NRXN1: variants seen among roughly 807,000 people sequenced by gnomAD.
NRXN1 encodes the protein neurexin 1.
In NRXN1, 39 loss-of-function variants were observed where a neutral mutation model predicts 150.9. The ratio of observed to expected loss-of-function variants is 0.26; its 90% confidence interval spans 0.20 to 0.34. The LOEUF is 0.34. NRXN1 is among the 10% of genes least tolerant of loss of function. The pLI is 1.00. For missense variants in NRXN1, 1,815 were observed against 1,949.9 expected, an observed-to-expected ratio of 0.93 and a Z score of 1.30; for synonymous variants, 924 against 757.0, an observed-to-expected ratio of 1.22 and a Z score of -3.62.
intron 21 of NRXN1, chr2:50,022,847 G>A (rs1011436971): frequency 1.3e-5 from 2 of 152,116 alleles, no homozygotes; most frequent in African/African-American, 4.8e-5. Flanking sequence ...TCATTCAGTG[G>A]CCTGTAAATT....
intron 17 of NRXN1, among the ~76,000 whole-genome samples, chr2:50,296,869 GTTTC>G (rs1400455526): frequency 4.3e-5 from 6 of 139,992 alleles, no homozygotes; most frequent in Middle Eastern, 3.8e-3. Flanking sequence ...AAAAGACACA[GTTTC>G]TTTCTTTCTT....
chr2:50,488,053 G>A (rs1441899537), intron 15 of NRXN1, among the ~76,000 whole-genome samples: 2 of 152,170 alleles, frequency 1.3e-5, no homozygotes, highest in Non-Finnish European at 2.9e-5. Context: ...GTATCACCTA[G>A]CACCTAGTAT....
intron 8 of NRXN1, chr2:50,619,235 T>G (rs1402721211): frequency 6.6e-6 from 1 of 152,212 alleles, no homozygotes; most frequent in Non-Finnish European, 1.5e-5. Context: ...ATTGTAGGCA[T>G]ACAATGTAAG....
intron 18 of NRXN1, among the ~76,000 whole-genome samples, chr2:50,217,521 T>C (rs570771610): frequency 6.6e-6 from 1 of 152,184 alleles, no homozygotes; most frequent in East Asian, 1.9e-4. Flanking sequence ...TCTCTAGGTA[T>C]GTAGTTTTTT....
At chr2:50,153,669 C>G (rs567708589) in intron 18 of NRXN1, among the ~76,000 whole-genome samples, 2 of 151,558 alleles carry the variant, frequency 1.3e-5, no homozygotes, top group East Asian at 1.9e-4. Context: ...TTTTGAATGT[C>G]TAAATCTTTA....
chr2:50,112,588 T>C, intron 18 of NRXN1, among the ~76,000 whole-genome samples: 1 of 152,176 alleles, frequency 6.6e-6, no homozygotes, highest in East Asian at 1.9e-4. Context: ...ATATTTTGAG[T>C]TGTGAACTTT....
At chr2:50,181,112 ATT>A (rs2152810846) in intron 18 of NRXN1, among the ~76,000 whole-genome samples, 1 of 152,240 alleles carries the variant, frequency 6.6e-6, no homozygotes, top group East Asian at 1.9e-4. Flanking sequence ...ACAATAACGT[ATT>A]AGAGCTCAGT....
chr2:50,748,510 A>C (rs1436862124), intron 5 of NRXN1, among the ~76,000 whole-genome samples: 1 of 152,116 alleles, frequency 6.6e-6, no homozygotes, highest in Non-Finnish European at 1.5e-5. Context: ...CTATTAATTA[A>C]TCCCCATAAG....
rs917243599 is a variant in NRXN1, at chr2:50,098,859, T to G, written c.3547-7365A>C. Among the ~76,000 whole-genome samples the G allele has an allele frequency of 4.7e-3, 139 of 29,350 alleles. 7 individuals are homozygous for G. The highest frequency in any genetic ancestry group is 0.018 in the African/African-American group (129 of 7,098). 19.3% of individuals were successfully genotyped at this position (29,350 alleles called of 152,430 possible). On this transcript the variant is annotated intron_variant, in intron 18 of 22. Coordinates refer to ENST00000401669, the MANE Select transcript of NRXN1 (RefSeq NM_001330078.2). ...TTTTTTTTTTTTTTTTTTTTTTTTT[T>G]TTTTTTTTTTTTTTTTTTTTTTTGG...
intron 21 of NRXN1, among the ~76,000 whole-genome samples, chr2:49,945,637 G>A (rs1178877848): frequency 6.6e-6 from 1 of 152,024 alleles, no homozygotes; most frequent in East Asian, 1.9e-4. Flanking sequence ...AATATGCAGT[G>A]TTTGATTTTC....
intron 5 of NRXN1, among the ~76,000 whole-genome samples, chr2:50,770,548 G>C (rs1237844631): frequency 6.6e-6 from 1 of 151,998 alleles, no homozygotes; most frequent in East Asian, 1.9e-4. Flanking sequence ...TTAGGTCTAT[G>C]ATTAATTTTT....
Position 50,465,557 on chromosome 2 carries a change from G to T in NRXN1, c.3249C>A (p.Pro1083=). 2 of 1,606,518 alleles carry T rather than the reference G, an allele frequency of 1.2e-6. No homozygotes were observed. The highest frequency in any genetic ancestry group is 1.7e-6 in the Non-Finnish European group (2 of 1,175,952). Residue 1083 remains proline (P), a synonymous_variant, in exon 17 of 23, where the codon CCC becomes CCA. Transcript: ENST00000401669. ...ATGAGTCCTCTTGGCAGGTTGTGCTGGGCCCTGCAAAACAATCCAAAGGAA... is the reference window on the plus strand; with the variant it reads ...ATGAGTCCTCTTGGCAGGTTGTGCTTGGCCCTGCAAAACAATCCAAAGGAA... ...NGQIERGCEG[P]STTCQEDSCS...
intron 17 of NRXN1, among the ~76,000 whole-genome samples, chr2:50,344,721 G>C (rs939307139): frequency 6.6e-6 from 1 of 152,164 alleles, no homozygotes; most frequent in Non-Finnish European, 1.5e-5. Context: ...GGAAAAAGGA[G>C]TGCCCCACTC....
At position 50,725,753 on chromosome 2, in the gene NRXN1, T is replaced by TA. The variant is rs199569454; in HGVS notation, c.833-102139dup. On this transcript the variant is annotated intron_variant, in intron 5 of 22. Transcript: ENST00000401669. Reference sequence around the variant, plus strand: ...CTACAAAAGTTATCTGTTTAGAAGATAGACTTTATTTTTTCAGCTTTGTAA... The same window carrying TA: ...CTACAAAAGTTATCTGTTTAGAAGATAAGACTTTATTTTTTCAGCTTTGTAA... Among the ~76,000 whole-genome samples, 5 of 152,152 alleles carry TA rather than the reference T, an allele frequency of 3.3e-5. No homozygotes were observed. The East Asian group carries it at 9.6e-4, about 29-fold the overall frequency.
chr2:50,525,811 G>A (rs781176898), intron 12 of NRXN1, among the ~76,000 whole-genome samples: 31 of 151,940 alleles, frequency 2.0e-4, no homozygotes, highest in Non-Finnish European at 3.7e-4. Flanking sequence ...TTTTCTTCCC[G>A]GGGGGGAAAT....
intron 17 of NRXN1, among the ~76,000 whole-genome samples, chr2:50,295,307 T>C (rs1164098160): frequency 6.6e-6 from 1 of 152,180 alleles, no homozygotes; most frequent in Non-Finnish European, 1.5e-5. Flanking sequence ...AGAGTTTGGA[T>C]AGGTCAATGA....
At chr2:50,725,995 A>G (rs1243395084) in intron 5 of NRXN1, among the ~76,000 whole-genome samples, 3 of 152,230 alleles carry the variant, frequency 2.0e-5, no homozygotes, top group Non-Finnish European at 4.4e-5. Flanking sequence ...AACCAGCGTC[A>G]GATTAAAGAG....
At chr2:50,761,314 G>T (rs1177224490) in intron 5 of NRXN1, among the ~76,000 whole-genome samples, 1 of 151,874 alleles carries the variant, frequency 6.6e-6, no homozygotes, top group Non-Finnish European at 1.5e-5. Flanking sequence ...ATGAGTGGTG[G>T]GAGGGACCAG....
At chr2:50,793,496 A>C (rs934899122) in intron 5 of NRXN1, among the ~76,000 whole-genome samples, 7 of 152,098 alleles carry the variant, frequency 4.6e-5, no homozygotes, top group Non-Finnish European at 1.0e-4. Context: ...CCATTACTCT[A>C]AAAACTCAAA....
Sources: gnomAD v4.1 joint callset for allele counts (sites outside exome capture counted in the v4.1 genomes callset) on GRCh38, gnomAD v4.1.1 for gene constraint, MANE v1.5 for transcripts, NCBI Gene and HGNC (gene_info 2026-07-23, HGNC 2026-07-21) for gene names.